The following ZNF544 variants were observed in gnomAD, a reference collection of about 807,000 sequenced individuals.
ZNF544 encodes the protein zinc finger protein AF020591.
ZNF544 carries 10 observed loss-of-function variants against 13.5 expected under a neutral mutation model. The ratio of observed to expected loss-of-function variants is 0.74; its 90% CI spans 0.46 to 1.25. The LOEUF (loss-of-function observed/expected upper bound fraction) is 1.25. Among genes scored for constraint, ZNF544 ranks in the 50% most tolerant of loss-of-function variants. The pLI, the probability that ZNF544 is intolerant of heterozygous loss-of-function variation, is 0.00. For missense variants in ZNF544, 896 were observed against 845.6 expected (o/e 1.06, Z -0.74); for synonymous variants, 323 against 300.5 (o/e 1.07, Z -0.77).
chr19:58,241,601 A>G (rs2043881975), intron 3 of ZNF544, among the ~76,000 whole-genome samples: 1 of 149,820 alleles, frequency 6.7e-6, no homozygotes, highest in African/African-American at 2.5e-5. Context: ...GGTTCACGCT[A>G]TTTTCCTGCT....
At chr19:58,271,310 G>A (rs146849264) in intron 5 of ZNF544, among the ~76,000 whole-genome samples, 37 of 151,914 alleles carry the variant, frequency 2.4e-4, no homozygotes, top group Non-Finnish European at 4.6e-4. Context: ...AAAGTGGCTG[G>A]AGGTGGGTGC....
At position 58,262,616 on chromosome 19, in the gene ZNF544, A is replaced by G; in HGVS notation, c.2010A>G (p.Ser670=). ...GTAGTCAGTGTGGGAAAGCCTTTTC[A>G]GGGAGCTCTAACCTTCTTTCCCATC... ...FECSQCGKAF[S]GSSNLLSHHR... is the part of the protein sequence containing the mutation. The change falls in exon 7 of 7, where the codon TCA becomes TCG. Residue 670 remains serine, a synonymous_variant. Coordinates refer to ENST00000687789, the MANE Select transcript of ZNF544 (RefSeq NM_014480.4). 6.2e-7 allele frequency: 1 copy of G among 1,614,064 alleles called. No homozygotes were observed. The highest frequency in any genetic ancestry group is 8.5e-7 in the Non-Finnish European group (1 of 1,179,988).
In ZNF544 at chr19:58,262,790, G is replaced by A. The variant is rs372240144; in HGVS notation, c.*36G>A. The A allele has an allele frequency of 6.4e-7, 1 of 1,558,574 alleles. No individual in the cohort carries two copies. The highest frequency in any genetic ancestry group is 8.7e-7 in the Non-Finnish European group (1 of 1,151,662). ...ATTGTGGGAAAGCTTTCATCCAGAG[G>A]TCTCCCCTCATCATGCACCAGAGGA... On this transcript the variant is annotated 3_prime_UTR_variant, in exon 7 of 7. Coordinates refer to ENST00000687789, the MANE Select transcript of ZNF544 (RefSeq NM_014480.4).
chr19:58,254,705 C>T (rs1173515962), intron 6 of ZNF544, among the ~76,000 whole-genome samples: 1 of 152,144 alleles, frequency 6.6e-6, no homozygotes, highest in South Asian at 2.1e-4. Flanking sequence ...CTTTTAGTAT[C>T]CCACTAATTT....
intron 6 of ZNF544, among the ~76,000 whole-genome samples, chr19:58,247,850 C>G: frequency 6.6e-6 from 1 of 152,200 alleles, no homozygotes; most frequent in East Asian, 1.9e-4. Context: ...CATGCAGTGT[C>G]TCCTGCTGTT....
At chr19:58,277,340 C>A in exon 7 of ZNF544, 1 of 1,015,496 alleles carries the variant, frequency 9.8e-7, no homozygotes. Context: ...CTGGTAACGT[C>A]TTCACCCCTT....
At chr19:58,275,905 C>A (rs914975270) in intron 5 of ZNF544, among the ~76,000 whole-genome samples, 1 of 151,926 alleles carries the variant, frequency 6.6e-6, no homozygotes, top group Admixed American at 6.6e-5. Flanking sequence ...TACACAGGGC[C>A]GGGTGCAGTG....
chr19:58,244,103 A>G, intron 4 of ZNF544, 47 bp downstream of exon 4: 14 of 1,551,012 alleles, frequency 9.0e-6, no homozygotes, highest in Non-Finnish European at 1.1e-5. Flanking sequence ...CCATAGATGT[A>G]AAATGGGTCC....
rs746691479 is a variant in ZNF544 at position 58,261,153 on chromosome 19, G to A, written c.547G>A (p.Gly183Ser). ...LLPTTLPTST[G>S]FPKPNSQVKE... ...ACCTACAACATTACCTACAAGTACA[G>A]GTTTCCCTAAGCCCAACTCACAAGT... Residue 183 changes from glycine (G) to serine (S), a missense_variant, in exon 7 of 7, where the codon GGT (glycine) becomes AGT (serine). By Grantham distance (56) the Gly-to-Ser change is moderately conservative (BLOSUM62 0). Coordinates refer to ENST00000687789, the MANE Select transcript of ZNF544 (RefSeq NM_014480.4). 6.2e-7 allele frequency: 1 copy of A among 1,614,096 alleles called. No homozygotes were observed. Among genetic ancestry groups the A allele is most frequent in the Non-Finnish European group, 8.5e-7 (1 of 1,180,026 alleles).
chr19:58,257,188 TGGGATTACA>T (rs2047659545), intron 6 of ZNF544: 1 of 152,246 alleles, frequency 6.6e-6, no homozygotes, highest in South Asian at 2.1e-4. Context: ...CCCAAAGTGC[TGGGATTACA>T]GGCATGAGCC....
At chr19:58,256,208 A>G (rs2047320521) in intron 6 of ZNF544, among the ~76,000 whole-genome samples, 1 of 151,912 alleles carries the variant, frequency 6.6e-6, no homozygotes, top group South Asian at 2.1e-4. Flanking sequence ...CCTCGAGCCT[A>G]CCTCCTGGCT....
At chr19:58,251,518 G>GT in intron 6 of ZNF544, 1 of 376,920 alleles carries the variant, frequency 2.7e-6, no homozygotes, top group South Asian at 2.0e-5. Context: ...CTCCTTCTAT[G>GT]TTTTAACAGG....
intron 6 of ZNF544, among the ~76,000 whole-genome samples, chr19:58,256,078 T>C (rs561868009): frequency 2.6e-4 from 39 of 152,296 alleles, no homozygotes; most frequent in Admixed American, 5.9e-4. Context: ...TTACAGTTGC[T>C]TGCATGCTTA....
intron 3 of ZNF544, among the ~76,000 whole-genome samples, chr19:58,238,216 GT>G (rs2042842217): frequency 6.6e-6 from 1 of 152,206 alleles, no homozygotes; most frequent in Non-Finnish European, 1.5e-5. Flanking sequence ...ACAGGTGTGA[GT>G]TACCACGCCT....
downstream of ZNF544, chr19:58,267,570 G>C (rs925372100): frequency 1.3e-5 from 2 of 151,880 alleles, no homozygotes; most frequent in African/African-American, 2.4e-5. Context: ...TGAGTGTGGT[G>C]GTGGGCGCCT....
In ZNF544 at chr19:58,248,653, C is replaced by G. The variant is rs535373274; in HGVS notation, c.244+1859C>G. On this transcript the variant is annotated intron_variant, in intron 6 of 6. Transcript: ENST00000687789. ...CCCTAAATATTCTCTGTGCTCTACCCATTCATCCCTCCCTCATCCCCAGCC... is the reference window on the plus strand; with the variant it reads ...CCCTAAATATTCTCTGTGCTCTACCGATTCATCCCTCCCTCATCCCCAGCC... Among the ~76,000 whole-genome samples the G allele has an allele frequency of 3.9e-5, 6 of 152,270 alleles. No homozygotes were observed. The East Asian group carries it at 5.8e-4, about 15-fold the overall frequency.
chr19:58,229,357 G>A, intron 1 of ZNF544, 111 bp from the exon 2 acceptor site: 1 of 152,526 alleles, frequency 6.6e-6, no homozygotes, highest in Non-Finnish European at 1.5e-5. Context: ...GTCGAGGGCT[G>A]CAGGGGCGGG....
intron 5 of ZNF544, among the ~76,000 whole-genome samples, chr19:58,270,004 G>A (rs1156253992): frequency 6.6e-6 from 1 of 151,972 alleles, no homozygotes; most frequent in Non-Finnish European, 1.5e-5. Flanking sequence ...ATCTAGAAAA[G>A]GAATAGGGCA....
chr19:58,262,639 A>G lies in ZNF544; in HGVS notation c.2033A>G (p.His678Arg), dbSNP rs775117944. The change falls in exon 7 of 7, where the codon CAT (histidine) becomes CGT (arginine). Residue 678 changes from histidine to arginine, a missense_variant. Transcript: ENST00000687789. ...TCAGGGAGCTCTAACCTTCTTTCCCATCACAGAATTCATTCTGGAGAGAAA... is the reference window on the plus strand; with the variant it reads ...TCAGGGAGCTCTAACCTTCTTTCCCGTCACAGAATTCATTCTGGAGAGAAA... Reference protein sequence around the residue: ...AFSGSSNLLSHHRIHSGEKPY... With the variant: ...AFSGSSNLLSRHRIHSGEKPY... 1 of 1,614,182 alleles carries G rather than the reference A, an allele frequency of 6.2e-7. No homozygotes were observed. Among genetic ancestry groups the G allele is most frequent in the South Asian group, 1.1e-5 (1 of 91,086 alleles).
Sources: gnomAD v4.1 joint callset for allele counts (sites outside exome capture counted in the v4.1 genomes callset) on GRCh38, gnomAD v4.1.1 for gene constraint, MANE v1.5 for transcripts, NCBI Gene and HGNC (gene_info 2026-07-23, HGNC 2026-07-21) for gene names.